Variants in MAGEC3 observed in about 807,000 individuals in gnomAD.
The protein encoded by MAGEC3 is melanoma-associated antigen C3.
MAGEC3 carries 34 observed loss-of-function variants against 35.3 expected under a neutral mutation model. The ratio of observed to expected loss-of-function variants is 0.96; its 90% confidence interval spans 0.73 to 1.28. MAGEC3 has a LOEUF of 1.28. Ranked by LOEUF, MAGEC3 falls within the 50% of genes most tolerant of loss-of-function variation. MAGEC3 has a pLI of 0.00. For missense variants in MAGEC3, 561 were observed against 483.6 expected, an observed-to-expected ratio of 1.16 and a Z score of -1.50; for synonymous variants, 202 against 185.6, an observed-to-expected ratio of 1.09 and a Z score of -0.72.
chrX:141,855,346 A>G (rs2017773860), intron 1 of MAGEC3, among the ~76,000 whole-genome samples: 1 of 111,344 alleles, frequency 9.0e-6, no homozygotes, highest in East Asian at 2.8e-4. Context: ...TAAAACTACT[A>G]ATCATTTATT....
intron 3 of MAGEC3, chrX:141,880,898 CCT>C (rs1226478000): frequency 1.1e-6 from 1 of 903,212 alleles, no homozygotes; most frequent in Non-Finnish European, 1.6e-6. Context: ...TTGCAGTGTC[CCT>C]CTCTCCCTCA....
At chrX:141,877,152 A>G (rs980272353) in intron 2 of MAGEC3, among the ~76,000 whole-genome samples, 5 of 112,085 alleles carry the variant, frequency 4.5e-5, no homozygotes, top group African/African-American at 1.6e-4. Context: ...AAAATATTGA[A>G]TCTTCATGCC....
chrX:141,847,651 A>G (rs2017725006), intron 1 of MAGEC3, among the ~76,000 whole-genome samples: 1 of 111,730 alleles, frequency 9.0e-6, no homozygotes, highest in Non-Finnish European at 1.9e-5. Flanking sequence ...GATAATTAGA[A>G]GAATGTCTTT....
chrX:141,893,240 A>C (rs1397342509), intron 4 of MAGEC3, among the ~76,000 whole-genome samples: 2 of 112,092 alleles, frequency 1.8e-5, no homozygotes, highest in Non-Finnish European at 3.8e-5. Flanking sequence ...AGTCATTGTT[A>C]GTAGGACAGA....
chrX:141,845,230 A>G (rs773246179), intron 1 of MAGEC3, among the ~76,000 whole-genome samples: 53 of 111,156 alleles, frequency 4.8e-4, no homozygotes, highest in Admixed American at 4.4e-3. Context: ...AAATTAAAAG[A>G]GAGGTAAAAT....
intron 1 of MAGEC3, among the ~76,000 whole-genome samples, chrX:141,853,255 G>A (rs746525467): frequency 1.8e-5 from 2 of 111,269 alleles, no homozygotes; most frequent in East Asian, 5.7e-4. Flanking sequence ...CTGGTCAATC[G>A]TGCTCCAAGA....
At position 141,879,308 on chromosome X, in the gene MAGEC3, T is replaced by G; in HGVS notation, c.392T>G (p.Leu131Arg). The G allele has an allele frequency of 1.7e-6, 2 of 1,205,441 alleles. No homozygotes were observed. Among genetic ancestry groups the G allele is most frequent in the Non-Finnish European group, 2.2e-6 (2 of 892,442 alleles). The part of the protein sequence containing the change: ...KQREEPQDWP[L>R]NEKRTLWKDS... The stretch of plus-strand genomic sequence containing the variant: ...AGGGAGGAACCCCAGGACTGGCCAC[T>G]CAACGAGAAGAGAACTCTGTGGAAG... The change falls in exon 3 of 8, where the codon CTC becomes CGC. Residue 131 changes from leucine to arginine, a missense_variant. Coordinates refer to ENST00000298296, the MANE Select transcript of MAGEC3 (RefSeq NM_138702.1).
intron 1 of MAGEC3, among the ~76,000 whole-genome samples, chrX:141,852,251 A>C (rs2017755438): frequency 9.0e-6 from 1 of 110,628 alleles, no homozygotes; most frequent in South Asian, 3.8e-4. Context: ...TAGTTCACAG[A>C]AATACAACTG....
At position 141,839,445 on chromosome X, in the gene MAGEC3, T is replaced by C. The variant is rs778689029; in HGVS notation, c.123+1007T>C. The stretch of plus-strand genomic sequence containing the variant: ...GATTATGGAGAAGAACGGAGCAAAA[T>C]AAAAGCTTCATTCACTCTGCTGTCA... On this transcript the variant is annotated intron_variant, in intron 1 of 7. Transcript: ENST00000298296. 5,788 of 749,378 alleles carry C rather than the reference T, an allele frequency of 7.7e-3. 20 individuals carry two copies. The highest frequency in any genetic ancestry group is 8.5e-3 in the Non-Finnish European group (5,414 of 636,743). 61.8% of individuals were successfully genotyped at this position (749,378 alleles called of 1,213,427 possible).
intron 1 of MAGEC3, among the ~76,000 whole-genome samples, chrX:141,844,405 C>T (rs186080876): frequency 2.7e-5 from 3 of 111,117 alleles, no homozygotes; most frequent in African/African-American, 9.7e-5. Context: ...TATCTTTTCC[C>T]TCTGAATTCT....
intron 1 of MAGEC3, among the ~76,000 whole-genome samples, chrX:141,857,334 A>G (rs1050032947): frequency 1.8e-5 from 2 of 111,233 alleles, no homozygotes; most frequent in African/African-American, 3.3e-5. Flanking sequence ...CTGCTTTTTT[A>G]CTGTAGATTA....
chrX:141,878,684 C>A (rs1485768898), intron 2 of MAGEC3, among the ~76,000 whole-genome samples: 1 of 112,005 alleles, frequency 8.9e-6, no homozygotes, highest in Non-Finnish European at 1.9e-5. Context: ...ACTGGTGAGA[C>A]ACCCCTCCCA....
intron 1 of MAGEC3, among the ~76,000 whole-genome samples, chrX:141,857,407 A>G (rs776442608): frequency 3.6e-5 from 4 of 110,723 alleles, no homozygotes; most frequent in Non-Finnish European, 7.6e-5. Flanking sequence ...ACAAACCTCT[A>G]TATTTTCCAC....
Position 141,893,714 on chromosome X carries a change from TGG to T in MAGEC3, c.910-1545_910-1544del, listed in dbSNP as rs148119130. Among the ~76,000 whole-genome samples, 576 of 76,328 alleles carry T rather than the reference TGG, an allele frequency of 7.5e-3. 8 individuals carry two copies. Among genetic ancestry groups the T allele is most frequent in the African/African-American group, 0.021 (411 of 19,256 alleles). 66.3% of individuals were successfully genotyped at this position (76,328 alleles called of 115,157 possible). A position where few individuals can be genotyped will look rare whatever the true frequency, so the allele number is the denominator to read the frequency against. On this transcript the variant is annotated intron_variant, in intron 4 of 7. Coordinates refer to ENST00000298296, the MANE Select transcript of MAGEC3 (RefSeq NM_138702.1). ...TAGGGCAGGGCAGGAGGGCAGGAAT[TGG>T]GGGGGGGGGCGTAGATATGTGAGAA...
Position 141,875,604 on chromosome X carries a change from C to G in MAGEC3, c.259-3571C>G, listed in dbSNP as rs2017915194. Among the ~76,000 whole-genome samples, 2 of 111,679 alleles carry G rather than the reference C, an allele frequency of 1.8e-5. 1 individual carries two copies. The highest frequency in any genetic ancestry group is 8.5e-3 in the Middle Eastern group (2 of 235). ...TCCTTTAAAAGGTCCCTGACACTCCCCATTGATTGAATCCCAAGAACGTTA... is the reference window on the plus strand; with the variant it reads ...TCCTTTAAAAGGTCCCTGACACTCCGCATTGATTGAATCCCAAGAACGTTA... On this transcript the variant is annotated intron_variant, in intron 2 of 7. Coordinates refer to ENST00000298296, the MANE Select transcript of MAGEC3 (RefSeq NM_138702.1).
intron 1 of MAGEC3, among the ~76,000 whole-genome samples, chrX:141,854,249 T>TA (rs1364799619): frequency 5.4e-4 from 60 of 110,941 alleles, no homozygotes; most frequent in African/African-American, 1.6e-3. Context: ...GTATGTCCTA[T>TA]GAAGAGAAAG....
At chrX:141,889,802 G>T (rs1235380812) in intron 4 of MAGEC3, among the ~76,000 whole-genome samples, 1 of 112,291 alleles carries the variant, frequency 8.9e-6, no homozygotes, top group Admixed American at 9.4e-5. Context: ...CAAGGGGTTT[G>T]CTGAAAGCAA....
chrX:141,859,003 T>G (rs1212252812), intron 1 of MAGEC3, among the ~76,000 whole-genome samples: 6 of 110,467 alleles, frequency 5.4e-5, no homozygotes, highest in Non-Finnish European at 1.1e-4. Context: ...AATAGCTATA[T>G]AATATTCCAT....
chrX:141,895,012 A>AAAAGGTG (rs1371007946), intron 4 of MAGEC3, among the ~76,000 whole-genome samples: 61 of 91,349 alleles, frequency 6.7e-4, no homozygotes, highest in African/African-American at 2.1e-3. Context: ...TATGGGCAAT[A>AAAAGGTG]AAAGGTGAAA....
Sources: allele counts gnomAD v4.1 joint callset (sites outside exome capture counted in the v4.1 genomes callset), GRCh38; gene constraint gnomAD v4.1.1; transcripts MANE v1.5; gene names NCBI Gene and HGNC (gene_info 2026-07-23, HGNC 2026-07-21).